Variants in ZBTB1 observed in about 807,000 individuals in gnomAD.
The protein encoded by ZBTB1 is zinc finger and BTB domain containing 1, also known as zinc finger and BTB domain-containing protein 1.
Under a neutral mutation model 51.6 loss-of-function variants are expected in ZBTB1, and 13 were observed. The ratio of observed to expected loss-of-function variants is 0.25; its 90% CI spans 0.16 to 0.40. The LOEUF is 0.40. Among genes scored for constraint, ZBTB1 ranks in the 10% least tolerant of loss-of-function variants. The probability of loss-of-function intolerance (pLI) is 1.00; values close to 1 mark genes in which losing one functional copy is unlikely to be tolerated. For missense variants in ZBTB1, 567 were observed against 856.5 expected, an observed-to-expected ratio of 0.66 and a Z score of 4.22; for synonymous variants, 240 against 282.2, an observed-to-expected ratio of 0.85 and a Z score of 1.50.
At chr14:64,529,463 T>G (rs141233156), downstream of ZBTB1, among the ~76,000 whole-genome samples, 88 of 152,238 alleles carry the variant, frequency 5.8e-4, 1 homozygote, top group African/African-American at 2.0e-3. Context: ...CCTTAACAGA[T>G]TATGTGGATA....
intron 1 of ZBTB1, among the ~76,000 whole-genome samples, chr14:64,516,180 A>C (rs1334884112): frequency 1.3e-5 from 2 of 152,200 alleles, no homozygotes; most frequent in Non-Finnish European, 2.9e-5. Context: ...ATATTAAAGC[A>C]GGAACAGAAT....
intron 2 of ZBTB1, among the ~76,000 whole-genome samples, chr14:64,530,586 G>C (rs1246424903): frequency 2.0e-5 from 3 of 150,238 alleles, no homozygotes; most frequent in Non-Finnish European, 4.4e-5. Context: ...CAGCCTGGGA[G>C]ACAGACTCCG....
chr14:64,522,459 G>T lies in ZBTB1; in HGVS notation c.955G>T (p.Ala319Ser). ...SEIASEEKSR[A>S]AERKRIIIKM... The stretch of plus-strand genomic sequence containing the variant: ...AATAGCAAGCGAAGAGAAAAGCAGA[G>T]CTGCTGAGAGGAAAAGGATTATTAT... The change falls in exon 2 of 2, where the codon GCT becomes TCT. Residue 319 changes from alanine (A) to serine (S), a missense_variant. This residue lies in a region of ZBTB1 where 329 missense variants were observed against 406.3 expected (regional missense o/e 0.81). Transcript: ENST00000683701. The T allele has an allele frequency of 1.2e-6, 2 of 1,614,096 alleles. No homozygotes were observed. The highest frequency in any genetic ancestry group is 1.7e-6 in the Non-Finnish European group (2 of 1,180,024).
downstream of ZBTB1, among the ~76,000 whole-genome samples, chr14:64,527,772 A>T (rs1413401773): frequency 6.6e-6 from 1 of 152,186 alleles, no homozygotes; most frequent in Non-Finnish European, 1.5e-5. Context: ...ACTCCATCTC[A>T]AAAAAAGATA....
chr14:64,530,568 C>T (rs897722401), intron 2 of ZBTB1, among the ~76,000 whole-genome samples: 10 of 151,334 alleles, frequency 6.6e-5, no homozygotes, highest in African/African-American at 1.9e-4. Flanking sequence ...TATCGTGCCA[C>T]TGTACTCCAG....
chr14:64,521,986 C>T lies in ZBTB1; in HGVS notation c.482C>T (p.Ala161Val). ...RNGNEANRWC[A>V]EPSSTVNTPH... is the part of the protein sequence containing the mutation. ...GGCAATGAAGCCAACAGGTGGTGTG[C>T]AGAGCCAAGTTCAACGGTAAATACA... is the stretch of plus-strand genomic sequence containing the variant. Residue 161 changes from alanine to valine, a missense_variant, in exon 2 of 2, where the codon GCA becomes GTA. Ala to Val is a moderately conservative substitution (Grantham distance 64). This residue lies in a region of ZBTB1 where 74 missense variants were observed against 74.9 expected (regional missense o/e 0.99). Transcript: ENST00000683701. The T allele has an allele frequency of 6.2e-7, 1 of 1,614,182 alleles. No homozygotes were observed. Among genetic ancestry groups the T allele is most frequent in the East Asian group, 2.2e-5 (1 of 44,884 alleles).
Position 64,523,929 on chromosome 14 carries a change from C to T in ZBTB1, c.*283C>T. On this transcript the variant is annotated 3_prime_UTR_variant, in exon 2 of 2. Transcript: ENST00000683701. The surrounding 1 kb of genome is among the most constrained non-coding windows in gnomAD (Gnocchi z 4.5). ...CAAGTGGTTGTTACCCATTCAATGA[C>T]TATTAAACTTTAGTTTTTCATCAAT... is the stretch of plus-strand genomic sequence containing the variant. 9.3e-7 allele frequency: 1 copy of T among 1,073,072 alleles called. No homozygotes were observed. Among genetic ancestry groups the T allele is most frequent in the Non-Finnish European group, 1.1e-6 (1 of 880,066 alleles). The allele number at this position is 1,073,072 out of a possible 1,614,324, so 66.5% of individuals were successfully genotyped here. A position where few individuals can be genotyped will look rare whatever the true frequency, so the allele number is the denominator to read the frequency against.
intron 1 of ZBTB1, among the ~76,000 whole-genome samples, chr14:64,506,770 GC>G (rs974905616): frequency 2.6e-5 from 4 of 152,112 alleles, no homozygotes; most frequent in Non-Finnish European, 5.9e-5. Flanking sequence ...TAATACGATG[GC>G]CTACTTTTTT....
chr14:64,531,309 C>T (rs2079940410), intron 2 of ZBTB1, among the ~76,000 whole-genome samples: 1 of 152,036 alleles, frequency 6.6e-6, no homozygotes, highest in Non-Finnish European at 1.5e-5. Context: ...TAATTTTACT[C>T]AGAATCACTA....
chr14:64,519,076 T>TACTAA (rs530041580), intron 1 of ZBTB1, among the ~76,000 whole-genome samples: 4,771 of 150,796 alleles, frequency 0.032, 131 homozygotes, highest in Middle Eastern at 0.052. Flanking sequence ...TTGGAGGGGT[T>TACTAA]ACCTCTGAAA....
At chr14:64,506,654 T>C (rs2079662253) in intron 1 of ZBTB1, among the ~76,000 whole-genome samples, 1 of 152,214 alleles carries the variant, frequency 6.6e-6, no homozygotes, top group African/African-American at 2.4e-5. Flanking sequence ...CCTCTTACAT[T>C]CGTTTTATGA....
intron 1 of ZBTB1, among the ~76,000 whole-genome samples, chr14:64,519,895 A>G (rs1419325552): frequency 6.6e-6 from 1 of 152,200 alleles, no homozygotes; most frequent in African/African-American, 2.4e-5. Context: ...GACACATTCT[A>G]ACTCTATAGA....
chr14:64,530,164 T>A (rs1566639096), intron 2 of ZBTB1, among the ~76,000 whole-genome samples: 1 of 152,246 alleles, frequency 6.6e-6, no homozygotes, highest in Non-Finnish European at 1.5e-5. Flanking sequence ...AACCTACTAC[T>A]TTAATGATCT....
In ZBTB1 at chr14:64,522,586, TAGA is replaced by T. The variant is rs1224964137; in HGVS notation, c.1086_1088del (p.Glu362del). 2.5e-6 allele frequency: 4 copies of T among 1,613,692 alleles called. No individual in the cohort carries two copies. Among genetic ancestry groups the T allele is most frequent in the Non-Finnish European group, 3.4e-6 (4 of 1,179,956 alleles). ...AATGAATCCACTGACAATGATGAAT[TAGA>T]AGATGAACCTGAAGAGCCATTTTAT... On this transcript the variant is annotated inframe_deletion, in exon 2 of 2. Coordinates refer to ENST00000683701, the MANE Select transcript of ZBTB1 (RefSeq NM_001123329.2).
downstream of ZBTB1, among the ~76,000 whole-genome samples, chr14:64,527,880 G>A (rs1361098722): frequency 6.6e-6 from 1 of 152,162 alleles, no homozygotes. Context: ...TAGGTGAGAT[G>A]AGTAGGGATT....
rs1021622614 is a variant in ZBTB1 at position 64,515,846 on chromosome 14, T to G, written c.-18-5641T>G. ...AAAAATTTTTAATGAAAAAATTATC[T>G]TCAAGAGATAAGCTAAAAGTCTCAC... On this transcript the variant is annotated intron_variant, in intron 1 of 1. Transcript: ENST00000683701. 3.3e-5 allele frequency among the ~76,000 whole-genome samples: 5 copies of G among 152,314 alleles called. No individual in the cohort carries two copies. In the South Asian group the frequency reaches 1.0e-3, roughly 32 times the overall value.
chr14:64,520,101 A>T (rs2079845211), intron 1 of ZBTB1, among the ~76,000 whole-genome samples: 1 of 152,006 alleles, frequency 6.6e-6, no homozygotes, highest in Non-Finnish European at 1.5e-5. Context: ...TCCCAGGTTC[A>T]TGCCAGTCTC....
At chr14:64,504,744 C>T (rs2079610841), upstream of ZBTB1, 2 of 374,516 alleles carry the variant, frequency 5.3e-6, no homozygotes, top group Non-Finnish European at 9.5e-6. Context: ...GCGGCAGGCG[C>T]GGCTGTGCGG....
chr14:64,530,484 G>A (rs1299747870), intron 2 of ZBTB1, among the ~76,000 whole-genome samples: 3 of 152,028 alleles, frequency 2.0e-5, no homozygotes, highest in Non-Finnish European at 4.4e-5. Flanking sequence ...GCACATGCCT[G>A]TAGTCTCAGC....
Sources: allele counts gnomAD v4.1 joint callset (sites outside exome capture counted in the v4.1 genomes callset), GRCh38; gene constraint gnomAD v4.1.1; regional missense constraint gnomAD v4.1.1; non-coding constraint Gnocchi (gnomAD v3.1); transcripts MANE v1.5; gene names NCBI Gene and HGNC (gene_info 2026-07-23, HGNC 2026-07-21).